MAP4K4: variants seen among roughly 807,000 people sequenced by gnomAD.
The protein encoded by MAP4K4 is mitogen-activated protein kinase kinase kinase kinase 4.
MAP4K4 carries 38 observed loss-of-function variants against 189.6 expected under a neutral mutation model. The observed-to-expected ratio is 0.20, with a 90% CI of 0.15 to 0.26. The LOEUF (loss-of-function observed/expected upper bound fraction) is 0.26, where lower values mean the gene tolerates loss of function less well. MAP4K4 is among the 10% of genes least tolerant of loss of function. The probability of loss-of-function intolerance (pLI) is 1.00; values close to 1 mark genes in which losing one functional copy is unlikely to be tolerated. For missense variants in MAP4K4, 1,054 were observed against 1,726.9 expected, an observed-to-expected ratio of 0.61 and a Z score of 6.91; for synonymous variants, 610 against 624.3, an observed-to-expected ratio of 0.98 and a Z score of 0.34.
intron 28 of MAP4K4, among the ~76,000 whole-genome samples, chr2:101,884,360 T>C (rs1433745607): frequency 1.3e-5 from 2 of 152,244 alleles, no homozygotes; most frequent in Non-Finnish European, 2.9e-5. Context: ...CGCAGAAGTC[T>C]ATGAAACAGT....
At chr2:101,734,020 G>A (rs1332613979) in intron 2 of MAP4K4, among the ~76,000 whole-genome samples, 1 of 152,086 alleles carries the variant, frequency 6.6e-6, no homozygotes, top group African/African-American at 2.4e-5. Flanking sequence ...TCATAAATTC[G>A]ACCGAGCTTG....
chr2:101,828,632 TG>T (rs1216695399), intron 5 of MAP4K4, among the ~76,000 whole-genome samples: 1 of 152,142 alleles, frequency 6.6e-6, no homozygotes, highest in Non-Finnish European at 1.5e-5. Context: ...TAAAACCCCA[TG>T]AAAAAAGAAT....
intron 24 of MAP4K4, among the ~76,000 whole-genome samples, chr2:101,873,084 C>T (rs2098098701): frequency 6.6e-6 from 1 of 152,162 alleles, no homozygotes; most frequent in Non-Finnish European, 1.5e-5. Flanking sequence ...GATACGCCTT[C>T]TTTTGTCATT....
In MAP4K4 at chr2:101,711,090, T is replaced by TA. The variant is rs541782848; in HGVS notation, c.123+12553dup. ...GTCTTATGAGCAATATCTGGAATAA[T>TA]ATTTGGTAAACAGCTGGCCTGAAGT... On this transcript the variant is annotated intron_variant, in intron 2 of 32. Coordinates refer to ENST00000324219, the Ensembl canonical transcript of MAP4K4. Among the ~76,000 whole-genome samples the TA allele has an allele frequency of 4.5e-4, 68 of 152,306 alleles. 1 individual carries two copies. In the South Asian group the frequency reaches 0.013, roughly 30 times the overall value.
At chr2:101,780,868 T>A (rs1317489259) in intron 2 of MAP4K4, among the ~76,000 whole-genome samples, 1 of 152,234 alleles carries the variant, frequency 6.6e-6, no homozygotes, top group African/African-American at 2.4e-5. Context: ...TACTTGGCTG[T>A]TGAATACTGT....
At chr2:101,833,945 G>T (rs1328899176) in intron 7 of MAP4K4, among the ~76,000 whole-genome samples, 5 of 152,058 alleles carry the variant, frequency 3.3e-5, no homozygotes, top group East Asian at 1.9e-4. Context: ...ATGGTTTCTG[G>T]CCTTTAAACT....
At chr2:101,893,866 G>A (rs2098598312) in exon 33 of MAP4K4, 1 of 152,690 alleles carries the variant, frequency 6.5e-6, no homozygotes, top group Non-Finnish European at 1.5e-5. Flanking sequence ...CTCTGGTGGT[G>A]TTTGTGGTGA....
chr2:101,722,920 G>A (rs539891963), intron 2 of MAP4K4, among the ~76,000 whole-genome samples: 1 of 152,318 alleles, frequency 6.6e-6, no homozygotes, highest in African/African-American at 2.4e-5. Context: ...CTGCTATAGA[G>A]AACTCCCTGA....
intron 2 of MAP4K4, among the ~76,000 whole-genome samples, chr2:101,737,155 C>G (rs1026491574): frequency 4.6e-5 from 7 of 151,914 alleles, no homozygotes; most frequent in African/African-American, 1.7e-4. Flanking sequence ...CATTCTGACA[C>G]TTAGTGCTTT....
At chr2:101,873,436 C>T (rs1407813591) in intron 24 of MAP4K4, among the ~76,000 whole-genome samples, 6 of 150,890 alleles carry the variant, frequency 4.0e-5, no homozygotes, top group South Asian at 4.2e-4. Context: ...GGTAGAGATA[C>T]GGCTCCTGCA....
At chr2:101,769,986 A>C (rs17026041) in intron 2 of MAP4K4, among the ~76,000 whole-genome samples, 6 of 152,116 alleles carry the variant, frequency 3.9e-5, no homozygotes, top group African/African-American at 1.4e-4. Flanking sequence ...AACAGCTGAG[A>C]TATATCAGTG....
At chr2:101,766,151 G>A (rs960602444) in intron 2 of MAP4K4, among the ~76,000 whole-genome samples, 1 of 152,140 alleles carries the variant, frequency 6.6e-6, no homozygotes, top group Non-Finnish European at 1.5e-5. Context: ...CTTGCCTGAT[G>A]AATTGAACTA....
chr2:101,871,792 A>G (rs2098033382), intron 24 of MAP4K4, 107 bp downstream of exon 24: 2 of 1,011,218 alleles, frequency 2.0e-6, no homozygotes, highest in African/African-American at 3.2e-5. Context: ...TTCCCTTCCC[A>G]CCCTGCTTTC....
At chr2:101,850,736 T>G (rs1428997992) in intron 12 of MAP4K4, among the ~76,000 whole-genome samples, 1 of 152,206 alleles carries the variant, frequency 6.6e-6, no homozygotes, top group Non-Finnish European at 1.5e-5. Context: ...ATTTAAGAAC[T>G]CCTCATAAGT....
At chr2:101,873,833 G>C (rs1191772176) in intron 25 of MAP4K4, 69 bp downstream of exon 25, 7 of 1,177,484 alleles carry the variant, frequency 5.9e-6, no homozygotes, top group Non-Finnish European at 8.6e-6. Flanking sequence ...CTTTTGGGTG[G>C]CTTAGGTGTA....
At chr2:101,722,676 T>TA (rs1340568884) in intron 2 of MAP4K4, among the ~76,000 whole-genome samples, 1 of 152,230 alleles carries the variant, frequency 6.6e-6, no homozygotes, top group East Asian at 1.9e-4. Flanking sequence ...CCTTATCTCA[T>TA]AAATACAACT....
At chr2:101,709,766 G>A (rs2044382102) in intron 2 of MAP4K4, among the ~76,000 whole-genome samples, 1 of 152,088 alleles carries the variant, frequency 6.6e-6, no homozygotes, top group Admixed American at 6.5e-5. Flanking sequence ...TCAGAAGGAT[G>A]TATCCCAAGT....
At chr2:101,886,239 T>G (rs1250579585) in intron 29 of MAP4K4, among the ~76,000 whole-genome samples, 1 of 152,236 alleles carries the variant, frequency 6.6e-6, no homozygotes, top group Admixed American at 6.5e-5. Flanking sequence ...ACATATTACC[T>G]TATTTAAAGC....
At chr2:101,803,499 T>C (rs1195768850) in intron 3 of MAP4K4, among the ~76,000 whole-genome samples, 6 of 152,230 alleles carry the variant, frequency 3.9e-5, no homozygotes, top group Non-Finnish European at 5.9e-5. Flanking sequence ...AGGATCACTT[T>C]AGCACCCCTG....
Sources: gnomAD v4.1 joint callset for allele counts (sites outside exome capture counted in the v4.1 genomes callset) on GRCh38, gnomAD v4.1.1 for gene constraint, MANE v1.5 for transcripts, NCBI Gene and HGNC (gene_info 2026-07-23, HGNC 2026-07-21) for gene names.